The following PKD1 variants were observed in gnomAD, a reference collection of about 807,000 sequenced individuals.
PKD1 encodes polycystin-1.
In PKD1, 81 loss-of-function variants were observed where a neutral mutation model predicts 361.7. The observed-to-expected ratio is 0.22, with a 90% confidence interval of 0.19 to 0.27. PKD1 has a LOEUF of 0.27. PKD1 is among the 10% of genes least tolerant of loss of function. The pLI is 1.00. For synonymous variants in PKD1, 3,615 were observed against 2,818.3 expected (o/e 1.28, Z -8.95); for missense variants, 6,399 against 6,118.3 (o/e 1.05, Z -1.53).
chr16:2,093,690 G>A lies in PKD1; in HGVS notation c.10870C>T (p.Pro3624Ser), dbSNP rs1054899851. Residue 3624 changes from proline to serine, a missense_variant, in exon 37 of 46, where the codon CCG becomes TCG. Pro to Ser is a moderately conservative substitution (Grantham distance 74). Coordinates refer to ENST00000262304, the MANE Select transcript of PKD1 (RefSeq NM_001009944.3). Reference protein sequence around the residue: ...YFSLVAKRLHPDEDDTLVESP... With the variant: ...YFSLVAKRLHSDEDDTLVESP... ...TCTACCAGGGTGTCATCTTCATCCG[G>A]GTGCAGCCGCTTGGCCACCAGTGAG... is the stretch of plus-strand genomic sequence containing the variant. 6.2e-7 allele frequency: 1 copy of A among 1,602,740 alleles called. No individual in the cohort carries two copies. Among genetic ancestry groups the A allele is most frequent in the Admixed American group, 1.7e-5 (1 of 59,212 alleles).
rs987746736 is a variant in PKD1 at position 2,114,460 on chromosome 16, C to T, written c.2563G>A (p.Ala855Thr). The change falls in exon 11 of 46, where the codon GCC becomes ACC. Residue 855 changes from alanine to threonine, a missense_variant. By Grantham distance (58) the Ala-to-Thr change is moderately conservative (BLOSUM62 0). Coordinates refer to ENST00000262304, the MANE Select transcript of PKD1 (RefSeq NM_001009944.3). ...CCAGGCCAGCGAGCCGTGGCCGTGG[C>T]GTTGGCACCAGAGTCCACCTGGAGC... is the stretch of plus-strand genomic sequence containing the variant. Reference protein sequence around the residue: ...LVLQVDSGANATATARWPGGS... With the variant: ...LVLQVDSGANTTATARWPGGS... 9 of 1,597,592 alleles carry T rather than the reference C, an allele frequency of 5.6e-6. No homozygotes were observed. Among genetic ancestry groups the T allele is most frequent in the Non-Finnish European group, 7.6e-6 (9 of 1,179,448 alleles).
chr16:2,095,737 G>T (rs751597574), intron 34 of PKD1, among the ~76,000 whole-genome samples: 14 of 152,246 alleles, frequency 9.2e-5, no homozygotes, highest in Non-Finnish European at 1.6e-4. Flanking sequence ...GCAAGGGACG[G>T]CCAAGGGTTG....
intron 1 of PKD1, among the ~76,000 whole-genome samples, chr16:2,130,483 G>T (rs71385750): frequency 4.6e-5 from 7 of 152,236 alleles, no homozygotes; most frequent in East Asian, 1.9e-4. Flanking sequence ...TCTGCGTGTT[G>T]GTTGAACGCG....
chr16:2,091,154 G>T lies in PKD1; in HGVS notation c.11733C>A (p.Ala3911=). 1.4e-6 allele frequency: 2 copies of T among 1,473,918 alleles called. No homozygotes were observed. The highest frequency in any genetic ancestry group is 1.8e-6 in the Non-Finnish European group (2 of 1,120,780). The allele number at this position is 1,473,918 out of a possible 1,614,324, so 91.3% of individuals were successfully genotyped here. A position where few individuals can be genotyped will look rare whatever the true frequency, so the allele number is the denominator to read the frequency against. The stretch of plus-strand genomic sequence containing the variant: ...GGGCCTCGGCCACGGCGAAGTGCAC[G>T]GCGAACAGCAGCAGGCACACCTGTG... ...LLTSVCLLLF[A]VHFAVAEART... Residue 3911 remains alanine (A), a synonymous_variant, in exon 43 of 46, where the codon GCC becomes GCA. Coordinates refer to ENST00000262304, the MANE Select transcript of PKD1 (RefSeq NM_001009944.3).
chr16:2,102,136 C>T lies in PKD1; in HGVS notation c.9322G>A (p.Ala3108Thr), dbSNP rs779117495. The T allele has an allele frequency of 1.4e-5, 22 of 1,568,792 alleles. 1 individual carries two copies. Among genetic ancestry groups the T allele is most frequent in the Non-Finnish European group, 1.7e-5 (20 of 1,150,212 alleles). Residue 3108 changes from alanine (A) to threonine (T), a missense_variant, in exon 26 of 46, where the codon GCC (alanine) becomes ACC (threonine). Coordinates refer to ENST00000262304, the MANE Select transcript of PKD1 (RefSeq NM_001009944.3). ...LDQLDASRGR[A>T]IPFCGQRGRF... ...CCCCGCTGCCCACAGAAAGGGATGG[C>T]GCGGCCCCGGCTGGCATCCAACTGG...
Position 2,114,506 on chromosome 16 carries a change from G to A in PKD1, c.2517C>T (p.Pro839=). 1 of 1,595,990 alleles carries A rather than the reference G, an allele frequency of 6.3e-7. No individual in the cohort carries two copies. The highest frequency in any genetic ancestry group is 8.5e-7 in the Non-Finnish European group (1 of 1,179,322). The change falls in exon 11 of 46, where the codon CCC becomes CCT. Residue 839 remains proline, a synonymous_variant. Coordinates refer to ENST00000262304, the MANE Select transcript of PKD1 (RefSeq NM_001009944.3). ...PAPRDGRLYV[P]TNGSALVLQV... Reference sequence around the variant, plus strand: ...GGAGCACCAAGGCTGAGCCGTTGGTGGGCACGTAGAGGCGGCCGTCGCGGG... The same window carrying A: ...GGAGCACCAAGGCTGAGCCGTTGGTAGGCACGTAGAGGCGGCCGTCGCGGG...
intron 34 of PKD1, chr16:2,094,582 A>G (rs2091764432): frequency 2.9e-6 from 1 of 348,996 alleles, no homozygotes; most frequent in African/African-American, 2.1e-5. Flanking sequence ...CATCTCTACA[A>G]TCTAGAGACG....
At chr16:2,116,467 G>A (rs897321001) in intron 8 of PKD1, 62 bp downstream of exon 8, 1 of 916,668 alleles carries the variant, frequency 1.1e-6, no homozygotes, top group Non-Finnish European at 1.7e-6. Context: ...CAGTGGGCAG[G>A]GCAGGCAAGG....
intron 15 of PKD1, 28 bp from the exon 16 acceptor site, chr16:2,108,060 G>A (rs2092404480): frequency 2.5e-6 from 4 of 1,583,118 alleles, no homozygotes; most frequent in Non-Finnish European, 3.4e-6. Flanking sequence ...GGGGCGACGT[G>A]GCCTGAGAGC....
chr16:2,100,678 A>G lies in PKD1; in HGVS notation c.9398-112T>C, dbSNP rs1372061639. 8.8e-6 allele frequency: 8 copies of G among 910,598 alleles called. No individual in the cohort carries two copies. The East Asian group carries it at 1.5e-4, about 17-fold the overall frequency. 56.4% of individuals were successfully genotyped at this position (910,598 alleles called of 1,614,324 possible). ...TGCGCACTCAAGGAGCCACACAGGCAGTCCCGGCTTTGCACGGCTCTGCCA... is the reference window on the plus strand; with the variant it reads ...TGCGCACTCAAGGAGCCACACAGGCGGTCCCGGCTTTGCACGGCTCTGCCA... On this transcript the variant is annotated intron_variant, in intron 26 of 45. Coordinates refer to ENST00000262304, the MANE Select transcript of PKD1 (RefSeq NM_001009944.3). This position sits in a 1 kb window ranked among gnomAD's most constrained non-coding sequence, Gnocchi z 4.4.
At chr16:2,102,715 G>A (rs1596523161) in intron 24 of PKD1, 82 bp from the exon 25 acceptor site, 1 of 1,606,110 alleles carries the variant, frequency 6.2e-7, no homozygotes. Context: ...ACCCGGTCCA[G>A]TCCCCTCGCT....
rs776082045 is a variant in PKD1 at position 2,108,973 on chromosome 16, G to A, written c.6194C>T (p.Ala2065Val). 2 of 1,609,808 alleles carry A rather than the reference G, an allele frequency of 1.2e-6. No individual in the cohort carries two copies. Among genetic ancestry groups the A allele is most frequent in the Admixed American group, 1.7e-5 (1 of 59,932 alleles). ...GGTGAAGCAGGGGCCGCTCTGCAGG[G>A]CCACATACTGGACGGCGTCCTGAAC... ...LEVQDAVQYV[A>V]LQSGPCFTNR... Residue 2065 changes from alanine to valine, a missense_variant, in exon 15 of 46, where the codon GCC (alanine) becomes GTC (valine). By Grantham distance (64) the Ala-to-Val change is moderately conservative (BLOSUM62 0). Coordinates refer to ENST00000262304, the MANE Select transcript of PKD1 (RefSeq NM_001009944.3).
In PKD1 at chr16:2,135,682, G is replaced by C. The variant is rs937825645; in HGVS notation, c.8C>G (p.Pro3Arg). 1.7e-4 allele frequency: 134 copies of C among 790,816 alleles called. No individual in the cohort carries two copies. The Admixed American group carries it at 2.2e-3, about 13-fold the overall frequency. The allele number at this position is 790,816 out of a possible 1,614,324, so 49.0% of individuals were successfully genotyped here. The change falls in exon 1 of 46, where the codon CCC (proline) becomes CGC (arginine). Residue 3 changes from proline (P) to arginine (R), a missense_variant. By Grantham distance (103) the Pro-to-Arg change is moderately radical. Transcript: ENST00000262304. ...CAGCGCCAGGCGGGCGGGCGCGGCG[G>C]GCGGCATCGTTAGGGCAGCGCGCGC... is the stretch of plus-strand genomic sequence containing the variant. Reference protein sequence around the residue: MPPAAPARLALAL... With the variant: MPRAAPARLALAL...
intron 34 of PKD1, 131 bp from the exon 35 acceptor site, chr16:2,094,341 G>C (rs1288503313): frequency 1.4e-6 from 1 of 701,196 alleles, no homozygotes. Context: ...AAAGCCGGAA[G>C]ACCCTACCCC....
chr16:2,121,579 G>T (rs535929182), intron 1 of PKD1, among the ~76,000 whole-genome samples: 54 of 152,250 alleles, frequency 3.5e-4, no homozygotes, highest in Non-Finnish European at 7.4e-5. Context: ...AGAGCTGCCC[G>T]AGTTACAAAC....
At chr16:2,112,508 G>C (rs1201786211) in intron 13 of PKD1, 35 bp from the exon 14 acceptor site, 28 of 1,572,062 alleles carry the variant, frequency 1.8e-5, no homozygotes, top group Non-Finnish European at 2.4e-5. Context: ...AGTGAACCGG[G>C]ACAGGGGTGG....
Position 2,112,837 on chromosome 16 carries a change from C to G in PKD1, c.3112G>C (p.Ala1038Pro), listed in dbSNP as rs1357894370. ...TCCACCAGCACGCCCGCCGTCAGTG[C>G]TAGCGTGGCATTGGGGGACAGCACG... ...PAVLSPNATL[A>P]LTAGVLVDSA... Residue 1038 changes from alanine to proline, a missense_variant, in exon 13 of 46, where the codon GCA (alanine) becomes CCA (proline). Transcript: ENST00000262304. 1 of 1,603,698 alleles carries G rather than the reference C, an allele frequency of 6.2e-7. No individual in the cohort carries two copies. Among genetic ancestry groups the G allele is most frequent in the Admixed American group, 1.7e-5 (1 of 60,008 alleles).
rs1372360073 is a variant in PKD1 at position 2,092,200 on chromosome 16, A to AGGT, written c.11270-13_11270-12insACC. 6.3e-7 allele frequency: 1 copy of AGGT among 1,585,714 alleles called. No individual in the cohort carries two copies. The highest frequency in any genetic ancestry group is 8.6e-7 in the Non-Finnish European group (1 of 1,167,616). ...GTCTGGGTAGAGTGCTGAAACACAC[A>AGGT]GAGCCCCAGGCCGGGGCCAGGGCCT... On this transcript the variant is annotated splice_polypyrimidine_tract_variant and intron_variant, in intron 39 of 45. Coordinates refer to ENST00000262304, the MANE Select transcript of PKD1 (RefSeq NM_001009944.3).
chr16:2,103,714 G>T lies in PKD1; in HGVS notation c.8343C>A (p.Ile2781=), dbSNP rs141019984. 2 of 1,609,930 alleles carry T rather than the reference G, an allele frequency of 1.2e-6. No individual in the cohort carries two copies. Among genetic ancestry groups the T allele is most frequent in the Admixed American group, 1.7e-5 (1 of 59,976 alleles). Residue 2781 remains isoleucine (I), a synonymous_variant, in exon 23 of 46, where the codon ATC becomes ATA. Transcript: ENST00000262304. The stretch of plus-strand genomic sequence containing the variant: ...GGTCCGAGCGCTTGCCCTGGGCCAC[G>T]ATCTCCTCGCCCGCCAGCGTCAGGG... The part of the protein sequence containing the change: ...EEPLTLAGEE[I]VAQGKRSDPR...
Sources: gnomAD v4.1 joint callset for allele counts (sites outside exome capture counted in the v4.1 genomes callset) on GRCh38, gnomAD v4.1.1 for gene constraint, Gnocchi (gnomAD v3.1) non-coding constraint, MANE v1.5 for transcripts, NCBI Gene and HGNC (gene_info 2026-07-23, HGNC 2026-07-21) for gene names.